The following TNN variants were observed in gnomAD, a reference collection of about 807,000 sequenced individuals.
TNN encodes tenascin-N.
In TNN, 122 loss-of-function variants were observed where a neutral mutation model predicts 134.4. The ratio of observed to expected loss-of-function variants is 0.91; its 90% CI spans 0.78 to 1.06. The LOEUF (loss-of-function observed/expected upper bound fraction) is 1.06, where lower values mean the gene tolerates loss of function less well. Among genes scored for constraint, TNN ranks in the 50% least tolerant of loss-of-function variants. The pLI, the probability that TNN is intolerant of heterozygous loss-of-function variation, is 0.00. For synonymous variants in TNN, 710 were observed against 670.3 expected (o/e 1.06, Z -0.91); for missense variants, 1,739 against 1,699.4 (o/e 1.02, Z -0.41).
intron 17 of TNN, among the ~76,000 whole-genome samples, chr1:175,138,546 T>C (rs1026771830): frequency 6.6e-6 from 1 of 152,102 alleles, no homozygotes; most frequent in Non-Finnish European, 1.5e-5. Flanking sequence ...TGTTCCAGGA[T>C]TCTGAGTAGG....
chr1:175,093,752 G>A (rs1054191664), intron 6 of TNN, among the ~76,000 whole-genome samples: 4 of 152,134 alleles, frequency 2.6e-5, no homozygotes, highest in African/African-American at 9.7e-5. Flanking sequence ...TCTCTAATAT[G>A]TTCAGTAGTC....
chr1:175,096,252 A>T (rs960080664), intron 7 of TNN, among the ~76,000 whole-genome samples: 2 of 152,206 alleles, frequency 1.3e-5, no homozygotes, highest in Non-Finnish European at 2.9e-5. Context: ...TTAGCAGTGG[A>T]GGCAGCATAT....
intron 18 of TNN, 129 bp downstream of exon 18, chr1:175,144,679 C>T: frequency 9.9e-7 from 1 of 1,006,802 alleles, no homozygotes; most frequent in Non-Finnish European, 1.4e-6. Context: ...TAGAGCTTCT[C>T]CTCCAGGCTC....
chr1:175,112,687 G>A lies in TNN; in HGVS notation c.2120-4252G>A, dbSNP rs192393451. Among the ~76,000 whole-genome samples the A allele has an allele frequency of 2.0e-4, 25 of 127,468 alleles. No individual in the cohort carries two copies. The East Asian group carries it at 6.0e-3, about 31-fold the overall frequency. 83.6% of individuals were successfully genotyped at this position (127,468 alleles called of 152,430 possible). A position where few individuals can be genotyped will look rare whatever the true frequency, so the allele number is the denominator to read the frequency against. On this transcript the variant is annotated intron_variant, in intron 9 of 18. Transcript: ENST00000239462. ...GGCTGGAATGCAGTGGTGTAATCTC[G>A]GCTCACTGCAACCTCTGCTTCTCAG... is the stretch of plus-strand genomic sequence containing the variant.
chr1:175,136,185 C>T (rs899082942), intron 16 of TNN, among the ~76,000 whole-genome samples: 1 of 152,030 alleles, frequency 6.6e-6, no homozygotes, highest in African/African-American at 2.4e-5. Context: ...GCAGGATCTG[C>T]CTGCAGCCTG....
Position 175,128,633 on chromosome 1 carries a change from G to T in TNN, c.3217G>T (p.Val1073Phe), listed in dbSNP as rs150465850. The change falls in exon 15 of 19, where the codon GTT becomes TTT. Residue 1073 changes from valine to phenylalanine, a missense_variant. Transcript: ENST00000239462. The part of the protein sequence containing the change: ...RFPHPSDCSQ[V>F]QQNSNAASGL... Reference sequence around the variant, plus strand: ...CCCACACCCTTCGGACTGCAGTCAGGTTCAGCAGAACAGCAATGCCGCCAG... The same window carrying T: ...CCCACACCCTTCGGACTGCAGTCAGTTTCAGCAGAACAGCAATGCCGCCAG... The T allele has an allele frequency of 6.4e-5, 104 of 1,613,658 alleles. No individual in the cohort carries two copies. The East Asian group carries it at 2.1e-3, about 33-fold the overall frequency.
At chr1:175,125,787 TTC>T (rs1304188239) in intron 12 of TNN, among the ~76,000 whole-genome samples, 26 of 146,044 alleles carry the variant, frequency 1.8e-4, no homozygotes, top group African/African-American at 6.7e-4. Flanking sequence ...CTCTCTTCTT[TTC>T]TCTCTCTCCT....
rs1674508659 is a variant in TNN at position 175,094,018 on chromosome 1, T to C, written c.1353T>C (p.Thr451=). ...TTGACAGTCCAACCAATGTTGTCACTGATCGAGTGACTGAAGACACAGCAA... is the reference window on the plus strand; with the variant it reads ...TTGACAGTCCAACCAATGTTGTCACCGATCGAGTGACTGAAGACACAGCAA... ...TEIDSPTNVV[T]DRVTEDTATV... Residue 451 remains threonine (T), a synonymous_variant, in exon 7 of 19, where the codon ACT becomes ACC. Coordinates refer to ENST00000239462, the MANE Select transcript of TNN (RefSeq NM_022093.2). 1 of 1,608,606 alleles carries C rather than the reference T, an allele frequency of 6.2e-7. No individual in the cohort carries two copies. Among genetic ancestry groups the C allele is most frequent in the Non-Finnish European group, 8.5e-7 (1 of 1,175,696 alleles).
chr1:175,135,749 G>A (rs956599536), intron 15 of TNN, 96 bp from the exon 16 acceptor site: 25 of 891,530 alleles, frequency 2.8e-5, no homozygotes, highest in Non-Finnish European at 4.1e-5. Flanking sequence ...CTAGCTGGAG[G>A]AAGGCAGTGT....
rs1675585797 is a variant in TNN at position 175,128,410 on chromosome 1, C to A, written c.3179-185C>A. Among the ~76,000 whole-genome samples, 4 of 152,096 alleles carry A rather than the reference C, an allele frequency of 2.6e-5. No individual in the cohort carries two copies. In the South Asian group the frequency reaches 8.3e-4, roughly 32 times the overall value. The stretch of plus-strand genomic sequence containing the variant: ...GGGGGAGGAAGTGATGTGAACTTGA[C>A]CTTTTCCTGGTGCATTTGGGGAGTT... On this transcript the variant is annotated intron_variant, in intron 14 of 18. Coordinates refer to ENST00000239462, the MANE Select transcript of TNN (RefSeq NM_022093.2).
chr1:175,108,155 T>C (rs552111389), intron 9 of TNN, among the ~76,000 whole-genome samples: 1,788 of 150,942 alleles, frequency 0.012, 30 homozygotes, highest in African/African-American at 0.041. Flanking sequence ...TACGGAGTGT[T>C]GATTGGTGCA....
At chr1:175,124,836 T>G (rs970184066) in intron 12 of TNN, among the ~76,000 whole-genome samples, 1 of 152,222 alleles carries the variant, frequency 6.6e-6, no homozygotes, top group Non-Finnish European at 1.5e-5. Context: ...CCTTTCTCTG[T>G]TCCTTTCTCT....
intron 4 of TNN, among the ~76,000 whole-genome samples, chr1:175,080,648 G>T (rs1024058600): frequency 1.3e-5 from 2 of 152,040 alleles, no homozygotes; most frequent in Non-Finnish European, 2.9e-5. Flanking sequence ...GGGCTCATGG[G>T]GTCTTCTCTG....
At position 175,135,888 on chromosome 1, in the gene TNN, G is replaced by A. The variant is rs764539179; in HGVS notation, c.3374G>A (p.Arg1125Gln). 41 of 1,613,846 alleles carry A rather than the reference G, an allele frequency of 2.5e-5. No individual in the cohort carries two copies. Among genetic ancestry groups the A allele is most frequent in the South Asian group, 4.4e-5 (4 of 91,076 alleles). ...ACTGGGCAGCTGGATTTCTTCAAGC[G>A]ATGGAGGAGCTATGTGGAAGGCTTT... ...RNTGQLDFFK[R>Q]WRSYVEGFGD... Residue 1125 changes from arginine (R) to glutamine (Q), a missense_variant, in exon 16 of 19, where the codon CGA becomes CAA. By Grantham distance (43) the Arg-to-Gln change is conservative. Transcript: ENST00000239462.
intron 3 of TNN, 152 bp from the exon 4 acceptor site, chr1:175,080,011 T>C: frequency 9.6e-7 from 1 of 1,047,084 alleles, no homozygotes; most frequent in Non-Finnish European, 1.4e-6. Flanking sequence ...TAATTACCTG[T>C]CGTTCGGATA....
At chr1:175,139,911 T>C (rs77853290) in intron 17 of TNN, among the ~76,000 whole-genome samples, 2,011 of 152,330 alleles carry the variant, frequency 0.013, 54 homozygotes, top group African/African-American at 0.045. Context: ...TTAACTGAAA[T>C]GTTCTTATGC....
intron 17 of TNN, among the ~76,000 whole-genome samples, chr1:175,137,536 T>G (rs1435057142): frequency 1.3e-5 from 2 of 152,218 alleles, no homozygotes; most frequent in African/African-American, 4.8e-5. Flanking sequence ...TGAAGGAACC[T>G]TTAGCCTCTA....
At chr1:175,108,833 G>T (rs536538533) in intron 9 of TNN, among the ~76,000 whole-genome samples, 3 of 146,706 alleles carry the variant, frequency 2.0e-5, no homozygotes, top group African/African-American at 5.1e-5. Context: ...TCCCGCTCAC[G>T]CCTCTCCCTC....
At chr1:175,127,975 G>T in intron 13 of TNN, 57 bp from the exon 14 acceptor site, 1 of 1,604,986 alleles carries the variant, frequency 6.2e-7, no homozygotes, top group East Asian at 2.2e-5. Context: ...GACACCTAGG[G>T]TGCTAGTGGG....
Sources: gnomAD v4.1 joint callset for allele counts (sites outside exome capture counted in the v4.1 genomes callset) on GRCh38, gnomAD v4.1.1 for gene constraint, MANE v1.5 for transcripts, NCBI Gene and HGNC (gene_info 2026-07-23, HGNC 2026-07-21) for gene names.